Variants in CDH13 observed in about 807,000 individuals in gnomAD.
The protein encoded by CDH13 is cadherin 13, also known as cadherin-13.
In CDH13, 24 loss-of-function variants were observed where a neutral mutation model predicts 63.8. That is an observed-to-expected ratio of 0.38 (90% CI 0.27 to 0.53). The LOEUF is 0.53. Among genes scored for constraint, CDH13 ranks in the 20% least tolerant of loss-of-function variants. CDH13 has a pLI of 0.85. For synonymous variants in CDH13, 503 were observed against 355.3 expected, an observed-to-expected ratio of 1.42 and a Z score of -4.67; for missense variants, 1,049 against 903.1, an observed-to-expected ratio of 1.16 and a Z score of -2.07.
intron 6 of CDH13, among the ~76,000 whole-genome samples, chr16:83,469,771 C>T (rs1054405096): frequency 4.6e-5 from 7 of 152,278 alleles, no homozygotes; most frequent in Non-Finnish European, 7.4e-5. Context: ...GTTTGCAACA[C>T]GTAGGCATGA....
intron 1 of CDH13, among the ~76,000 whole-genome samples, chr16:82,655,491 G>T (rs781253902): frequency 2.0e-5 from 3 of 152,118 alleles, no homozygotes; most frequent in Admixed American, 1.3e-4. Flanking sequence ...TGAGGCTACC[G>T]CAGTGTCGGG....
At chr16:83,539,790 T>C (rs1036837650) in intron 7 of CDH13, among the ~76,000 whole-genome samples, 1 of 152,218 alleles carries the variant, frequency 6.6e-6, no homozygotes, top group Non-Finnish European at 1.5e-5. Context: ...GTTAGACTTA[T>C]TCACTCTGTG....
chr16:83,279,967 A>C (rs895420022), intron 5 of CDH13, among the ~76,000 whole-genome samples: 44 of 152,226 alleles, frequency 2.9e-4, no homozygotes, highest in African/African-American at 9.6e-4. Flanking sequence ...GTTATAACTA[A>C]GAAAGTGCTA....
chr16:83,652,423 G>A (rs1021971242), intron 8 of CDH13, among the ~76,000 whole-genome samples: 6 of 152,168 alleles, frequency 3.9e-5, no homozygotes, highest in Admixed American at 3.9e-4. Context: ...AGACGGCTGT[G>A]AGTGCCATGC....
chr16:83,478,930 A>C (rs1481871716), intron 6 of CDH13, among the ~76,000 whole-genome samples: 1 of 152,220 alleles, frequency 6.6e-6, no homozygotes, highest in Non-Finnish European at 1.5e-5. Context: ...AGCCAGTCCA[A>C]ATGTAAGCCA....
chr16:82,775,873 CT>C (rs551883641), intron 1 of CDH13, among the ~76,000 whole-genome samples: 1 of 152,134 alleles, frequency 6.6e-6, no homozygotes, highest in East Asian at 1.9e-4. Flanking sequence ...ACTGATGGCT[CT>C]TTTTTTGTGA....
At chr16:83,443,093 T>C (rs1412817562) in intron 6 of CDH13, among the ~76,000 whole-genome samples, 2 of 152,244 alleles carry the variant, frequency 1.3e-5, no homozygotes, top group Non-Finnish European at 2.9e-5. Flanking sequence ...CTCAGCAGAC[T>C]GAAGTTTGCA....
intron 6 of CDH13, among the ~76,000 whole-genome samples, chr16:83,472,306 GT>G (rs1224022201): frequency 2.0e-5 from 3 of 152,238 alleles, no homozygotes; most frequent in Non-Finnish European, 2.9e-5. Flanking sequence ...TGGGAGGCCA[GT>G]GGGGATTTAT....
intron 2 of CDH13, among the ~76,000 whole-genome samples, chr16:82,882,060 G>C (rs914745742): frequency 6.6e-6 from 1 of 152,076 alleles, no homozygotes; most frequent in South Asian, 2.1e-4. Flanking sequence ...ATTTAGGTAT[G>C]AGTGAGTCCT....
chr16:83,006,489 G>T (rs1474356036), intron 2 of CDH13, among the ~76,000 whole-genome samples: 1 of 151,984 alleles, frequency 6.6e-6, no homozygotes. Context: ...GGATGATGGG[G>T]TGACTTGAAA....
At chr16:83,336,312 A>AAAAAG (rs201279981) in intron 5 of CDH13, among the ~76,000 whole-genome samples, 17,227 of 143,694 alleles carry the variant, frequency 0.12, 1,448 homozygotes, top group East Asian at 0.29. Context: ...AAAAAAAAAA[A>AAAAAG]AAAAAAGAAA....
intron 2 of CDH13, among the ~76,000 whole-genome samples, chr16:82,931,973 G>C (rs2042510478): frequency 6.6e-6 from 1 of 152,108 alleles, no homozygotes; most frequent in Non-Finnish European, 1.5e-5. Flanking sequence ...TGTTCAGAAA[G>C]CATCTTCAGA....
intron 2 of CDH13, among the ~76,000 whole-genome samples, chr16:82,863,403 G>T (rs1412091855): frequency 6.6e-6 from 1 of 152,150 alleles, no homozygotes; most frequent in Non-Finnish European, 1.5e-5. Flanking sequence ...GACTCCAGTT[G>T]CTTCCTCCAA....
chr16:83,717,424 G>A (rs997692021), intron 10 of CDH13, among the ~76,000 whole-genome samples: 4 of 152,156 alleles, frequency 2.6e-5, no homozygotes, highest in East Asian at 1.9e-4. Flanking sequence ...CTGGTTCACC[G>A]CACGTGAAAG....
chr16:83,562,127 C>T (rs1033999402), intron 7 of CDH13, among the ~76,000 whole-genome samples: 1 of 152,148 alleles, frequency 6.6e-6, no homozygotes, highest in Admixed American at 6.5e-5. Context: ...GCATGGGGCT[C>T]CAGCCTTGTA....
intron 5 of CDH13, among the ~76,000 whole-genome samples, chr16:83,284,387 A>G (rs2089257884): frequency 6.6e-6 from 1 of 152,164 alleles, no homozygotes; most frequent in Non-Finnish European, 1.5e-5. Context: ...CGATACTACC[A>G]CCTGTTTCAC....
intron 4 of CDH13, chr16:83,181,139 G>C (rs962978181): frequency 7.8e-5 from 69 of 879,398 alleles, no homozygotes; most frequent in Non-Finnish European, 9.6e-5. Context: ...TGTGTAGACA[G>C]AGAGTCAGAA....
intron 11 of CDH13, among the ~76,000 whole-genome samples, chr16:83,775,826 T>G (rs1915072382): frequency 6.6e-6 from 1 of 151,952 alleles, no homozygotes; most frequent in Non-Finnish European, 1.5e-5. Context: ...TGGTTATGAG[T>G]GGTTCCATGG....
chr16:83,643,363 G>A (rs1361735672), intron 8 of CDH13, among the ~76,000 whole-genome samples: 3 of 149,194 alleles, frequency 2.0e-5, no homozygotes, highest in South Asian at 2.1e-4. Flanking sequence ...CTTTCCCTTC[G>A]TATATATCAA....
Sources: gnomAD v4.1 joint callset for allele counts (sites outside exome capture counted in the v4.1 genomes callset) on GRCh38, gnomAD v4.1.1 for gene constraint, MANE v1.5 for transcripts, NCBI Gene and HGNC (gene_info 2026-07-23, HGNC 2026-07-21) for gene names.